The following EFCAB12 variants were observed in gnomAD, a reference collection of about 807,000 sequenced individuals.
The protein encoded by EFCAB12 is EF-hand calcium binding domain 12.
EFCAB12 carries 43 observed loss-of-function variants against 53.6 expected under a neutral mutation model. That is an observed-to-expected ratio of 0.80 (90% confidence interval 0.63 to 1.03). The LOEUF is 1.03. Ranked by LOEUF, EFCAB12 falls within the 50% of genes least tolerant of loss-of-function variation. EFCAB12 has a pLI of 0.00. For synonymous variants in EFCAB12, 269 were observed against 289.2 expected (o/e 0.93, Z 0.71); for missense variants, 646 against 730.6 (o/e 0.88, Z 1.34).
At chr3:129,406,703 A>G (rs2071955884) in intron 6 of EFCAB12, among the ~76,000 whole-genome samples, 1 of 152,036 alleles carries the variant, frequency 6.6e-6, no homozygotes, top group Non-Finnish European at 1.5e-5. Flanking sequence ...GGGTTTTGCC[A>G]TGTTGCCCAG....
intron 5 of EFCAB12, 22 bp from the exon 6 acceptor site, chr3:129,408,880 G>A (rs1367579352): frequency 8.4e-6 from 13 of 1,553,792 alleles, no homozygotes; most frequent in Non-Finnish European, 1.1e-5. Context: ...GCAGAAAGGG[G>A]CTCGCCCTTC....
intron 6 of EFCAB12, among the ~76,000 whole-genome samples, chr3:129,408,078 T>C (rs562766809): frequency 1.3e-5 from 2 of 152,208 alleles, no homozygotes; most frequent in South Asian, 2.1e-4. Context: ...AAAACGTGTT[T>C]TCCACCCAAG....
At chr3:129,401,883 C>G (rs1386766367) in intron 8 of EFCAB12, 32 bp from the exon 9 acceptor site, 4 of 1,600,006 alleles carry the variant, frequency 2.5e-6, no homozygotes, top group Non-Finnish European at 3.4e-6. Flanking sequence ...GGATGGTTGT[C>G]ATGGCAGACA....
At chr3:129,428,340 G>C in intron 1 of EFCAB12, 100 bp downstream of exon 1, 1 of 1,488,566 alleles carries the variant, frequency 6.7e-7, no homozygotes, top group Non-Finnish European at 9.2e-7. Context: ...CCCAGAGGGG[G>C]TCGGCACAAT....
In EFCAB12 at chr3:129,417,340, C is replaced by CA. The variant is rs1559789776; in HGVS notation, c.681+913_681+914insT. On this transcript the variant is annotated intron_variant, in intron 3 of 8. Coordinates refer to ENST00000505956, the MANE Select transcript of EFCAB12 (RefSeq NM_207307.3). ...CTCTGCCTCAAAAAAAAAAAAAAAACCAAAAAAAAAAAACCCAAAACCAAA... is the reference window on the plus strand; with the variant it reads ...CTCTGCCTCAAAAAAAAAAAAAAAACACAAAAAAAAAAAACCCAAAACCAAA... 1.8e-3 allele frequency among the ~76,000 whole-genome samples: 185 copies of CA among 103,078 alleles called. 2 individuals are homozygous for CA. Among genetic ancestry groups the CA allele is most frequent in the African/African-American group, 9.4e-3 (146 of 15,480 alleles). The allele number at this position is 103,078 out of a possible 152,430, so 67.6% of individuals were successfully genotyped here.
chr3:129,417,362 C>CAA (rs61426073), intron 3 of EFCAB12, among the ~76,000 whole-genome samples: 1 of 123,822 alleles, frequency 8.1e-6, no homozygotes, highest in Admixed American at 8.1e-5. Context: ...AACCCAAAAC[C>CAA]AAAAAAAAAA....
At chr3:129,413,726 C>CT (rs1228620050) in intron 4 of EFCAB12, 1 of 151,618 alleles carries the variant, frequency 6.6e-6, no homozygotes, top group East Asian at 2.0e-4. Context: ...ATAAACCTGT[C>CT]TTTGACTATT....
At chr3:129,419,279 T>C (rs78502773) in intron 2 of EFCAB12, among the ~76,000 whole-genome samples, 2,185 of 152,314 alleles carry the variant, frequency 0.014, 58 homozygotes, top group African/African-American at 0.046. Context: ...CATTATTAAA[T>C]AGCTAGCAAA....
At chr3:129,415,123 C>T (rs1469404856) in intron 4 of EFCAB12, 122 bp downstream of exon 4, 2 of 1,281,466 alleles carry the variant, frequency 1.6e-6, no homozygotes, top group East Asian at 2.9e-5. Context: ...GGCCAAACCA[C>T]AGTCGGCCAA....
intron 2 of EFCAB12, among the ~76,000 whole-genome samples, chr3:129,420,416 T>C (rs2072173931): frequency 1.3e-5 from 2 of 152,218 alleles, no homozygotes; most frequent in Non-Finnish European, 2.9e-5. Flanking sequence ...ATCTGTCTTC[T>C]TATCCCAAGG....
intron 6 of EFCAB12, 88 bp from the exon 7 acceptor site, chr3:129,404,491 T>A: frequency 2.2e-6 from 3 of 1,361,650 alleles, no homozygotes; most frequent in Non-Finnish European, 2.9e-6. Context: ...GGTGTTTTTT[T>A]TTTTTTTAAT....
chr3:129,427,372 C>T (rs112344052), intron 1 of EFCAB12, among the ~76,000 whole-genome samples: 5,309 of 122,982 alleles, frequency 0.043, 292 homozygotes, highest in African/African-American at 0.22. Flanking sequence ...CCTCTGAGTA[C>T]GTTCTCTTAT....
At position 129,401,791 on chromosome 3, in the gene EFCAB12, C is replaced by T. The variant is rs775652750; in HGVS notation, c.1521G>A (p.Pro507=). Residue 507 remains proline, a synonymous_variant, in exon 9 of 9, where the codon CCG becomes CCA. Transcript: ENST00000505956. The stretch of plus-strand genomic sequence containing the variant: ...GCTGCAGCTTATCCAGAAGATGACC[C>T]GGCCAGAAGGAATTGGGGTGTGTTT... ...LQQTHPNSFW[P]GHLLDKLQLY... 7.4e-6 allele frequency: 12 copies of T among 1,612,720 alleles called. No individual in the cohort carries two copies. The highest frequency in any genetic ancestry group is 1.7e-4 in the Middle Eastern group (1 of 6,058).
At chr3:129,404,052 A>T in intron 7 of EFCAB12, 198 bp downstream of exon 7, 1 of 580,724 alleles carries the variant, frequency 1.7e-6, no homozygotes, top group Non-Finnish European at 2.9e-6. Flanking sequence ...CCAGCAGGCC[A>T]TGATCCTGAG....
intron 7 of EFCAB12, 92 bp downstream of exon 7, chr3:129,404,158 G>T (rs1196903501): frequency 1.3e-6 from 2 of 1,503,802 alleles, no homozygotes; most frequent in East Asian, 4.5e-5. Flanking sequence ...ACAGCATGGC[G>T]CCCCAGGTAC....
At position 129,421,780 on chromosome 3, in the gene EFCAB12, T is replaced by G; in HGVS notation, c.73A>C (p.Ile25Leu). Residue 25 changes from isoleucine (I) to leucine (L), a missense_variant, in exon 2 of 9, where the codon ATC becomes CTC. Coordinates refer to ENST00000505956, the MANE Select transcript of EFCAB12 (RefSeq NM_207307.3). ...LLGLCPSKTP[I>L]NENAPVFDPE... ...TCAAAGACGGGAGCATTTTCATTGA[T>G]GGGAGTCTTAGACGGGCAGAGTCCT... 1 of 1,613,122 alleles carries G rather than the reference T, an allele frequency of 6.2e-7. No homozygotes were observed. Among genetic ancestry groups the G allele is most frequent in the Non-Finnish European group, 8.5e-7 (1 of 1,179,380 alleles).
intron 1 of EFCAB12, 110 bp from the exon 2 acceptor site, chr3:129,421,913 G>T: frequency 9.2e-7 from 1 of 1,082,704 alleles, no homozygotes; most frequent in South Asian, 1.7e-5. Flanking sequence ...CTGGATCCCA[G>T]GCCAGGCTTT....
At chr3:129,409,766 T>A (rs1389454560) in intron 5 of EFCAB12, among the ~76,000 whole-genome samples, 1 of 152,178 alleles carries the variant, frequency 6.6e-6, no homozygotes, top group Non-Finnish European at 1.5e-5. Flanking sequence ...AACACAGAGC[T>A]GAGTAGTTGC....
At chr3:129,410,696 G>C (rs1184600622) in intron 5 of EFCAB12, among the ~76,000 whole-genome samples, 1 of 152,154 alleles carries the variant, frequency 6.6e-6, no homozygotes, top group Non-Finnish European at 1.5e-5. Flanking sequence ...GCTTCCTAGG[G>C]GCAGGGACTG....
Sources: gnomAD v4.1 joint callset for allele counts (sites outside exome capture counted in the v4.1 genomes callset) on GRCh38, gnomAD v4.1.1 for gene constraint, MANE v1.5 for transcripts, NCBI Gene and HGNC (gene_info 2026-07-23, HGNC 2026-07-21) for gene names.